NRG3: variants seen among roughly 807,000 people sequenced by gnomAD.
NRG3 encodes the protein neuregulin 3.
In NRG3, 31 loss-of-function variants were observed where a neutral mutation model predicts 66.9. The ratio of observed to expected loss-of-function variants is 0.46; its 90% CI spans 0.35 to 0.63. The LOEUF (loss-of-function observed/expected upper bound fraction) is 0.63. Among genes scored for constraint, NRG3 ranks in the 20% least tolerant of loss-of-function variants. The pLI is 0.00. For synonymous variants in NRG3, 393 were observed against 359.4 expected (o/e 1.09, Z -1.06); for missense variants, 910 against 878.9 (o/e 1.04, Z -0.45).
intron 2 of NRG3, among the ~76,000 whole-genome samples, chr10:82,460,606 A>C (rs2091466861): frequency 6.6e-6 from 1 of 152,208 alleles, no homozygotes; most frequent in Admixed American, 6.5e-5. Context: ...ATCTGGAGAC[A>C]GTGCAGGCTT....
chr10:82,985,318 A>G lies in NRG3; in HGVS notation c.1804A>G (p.Lys602Glu), dbSNP rs1853346898. 1.9e-6 allele frequency: 3 copies of G among 1,614,042 alleles called. No homozygotes were observed. Among genetic ancestry groups the G allele is most frequent in the Non-Finnish European group, 2.5e-6 (3 of 1,179,998 alleles). Residue 602 changes from lysine to glutamate, a missense_variant, in exon 9 of 9, where the codon AAA (lysine) becomes GAA (glutamate). Transcript: ENST00000372141. ...ISEVKSIKWC[K>E]NSYSADVVNV... ...TGAAGTCAAAAGCATCAAATGGTGC[A>G]AAAACTCCTATTCAGCTGACGTTGT...
intron 3 of NRG3, among the ~76,000 whole-genome samples, chr10:82,744,060 G>A (rs1308170936): frequency 6.6e-6 from 1 of 152,184 alleles, no homozygotes; most frequent in South Asian, 2.1e-4. Flanking sequence ...AATTCCATGG[G>A]CATCCAGCTT....
At chr10:82,378,351 T>C (rs765893924) in intron 2 of NRG3, among the ~76,000 whole-genome samples, 9 of 152,194 alleles carry the variant, frequency 5.9e-5, no homozygotes, top group Non-Finnish European at 1.0e-4. Context: ...AGGCAGCTCA[T>C]GGGGCTCTGG....
intron 1 of NRG3, among the ~76,000 whole-genome samples, chr10:81,893,333 A>C (rs1188990784): frequency 6.6e-6 from 1 of 152,196 alleles, no homozygotes; most frequent in African/African-American, 2.4e-5. Context: ...GTGATGATGT[A>C]TATTTACATA....
intron 1 of NRG3, among the ~76,000 whole-genome samples, chr10:82,293,601 TG>T (rs1156317526): frequency 6.6e-6 from 1 of 152,202 alleles, no homozygotes; most frequent in African/African-American, 2.4e-5. Context: ...ACAGCTAATT[TG>T]ATTTATTCTG....
intron 3 of NRG3, among the ~76,000 whole-genome samples, chr10:82,851,665 T>G (rs1314041560): frequency 6.6e-6 from 1 of 152,148 alleles, no homozygotes; most frequent in Non-Finnish European, 1.5e-5. Flanking sequence ...GAAGAAGACA[T>G]ACAGGAGAGA....
At chr10:82,219,679 T>C (rs1295450011) in intron 1 of NRG3, among the ~76,000 whole-genome samples, 1 of 152,174 alleles carries the variant, frequency 6.6e-6, no homozygotes, top group African/African-American at 2.4e-5. Context: ...TAATTCTATT[T>C]CTTTCATTTT....
intron 1 of NRG3, among the ~76,000 whole-genome samples, chr10:82,199,172 G>T (rs1283837020): frequency 9.4e-6 from 1 of 106,578 alleles, no homozygotes; most frequent in East Asian, 2.4e-4. Context: ...ACTCTGTCCG[G>T]AAAAAAAAAA....
chr10:82,098,698 A>T (rs1590104128), intron 1 of NRG3, among the ~76,000 whole-genome samples: 1 of 152,090 alleles, frequency 6.6e-6, no homozygotes, highest in East Asian at 1.9e-4. Context: ...TTGTTGTTAG[A>T]TATGTGATTT....
intron 2 of NRG3, among the ~76,000 whole-genome samples, chr10:82,580,779 G>C (rs1476306985): frequency 2.6e-5 from 4 of 151,676 alleles, no homozygotes; most frequent in Admixed American, 1.3e-4. Context: ...ATGTACCATA[G>C]ATTGTTTATT....
Position 82,863,048 on chromosome 10 carries a change from C to T in NRG3, c.1028-2363C>T, listed in dbSNP as rs571748852. On this transcript the variant is annotated intron_variant, in intron 3 of 8. Coordinates refer to ENST00000372141, the MANE Select transcript of NRG3 (RefSeq NM_001010848.4). Reference sequence around the variant, plus strand: ...CCAACAGGCCCCAGTGTGTGATGTTCGCCTCCCTGTGTTCATGTGTTCTCA... The same window carrying T: ...CCAACAGGCCCCAGTGTGTGATGTTTGCCTCCCTGTGTTCATGTGTTCTCA... 7.3e-4 allele frequency among the ~76,000 whole-genome samples: 111 copies of T among 152,192 alleles called. 1 individual carries two copies. In the South Asian group the frequency reaches 8.5e-3, roughly 12 times the overall value.
intron 1 of NRG3, among the ~76,000 whole-genome samples, chr10:82,240,914 TA>T (rs935650715): frequency 2.8e-4 from 43 of 152,112 alleles, no homozygotes; most frequent in African/African-American, 9.9e-4. Context: ...AGATTTTTTT[TA>T]AAAAACCCTG....
At chr10:82,651,387 T>A (rs1281613092) in intron 2 of NRG3, among the ~76,000 whole-genome samples, 2 of 152,222 alleles carry the variant, frequency 1.3e-5, no homozygotes, top group Non-Finnish European at 2.9e-5. Context: ...TAATGGGGAC[T>A]TCTAACAAAT....
Position 82,033,354 on chromosome 10 carries a change from G to C in NRG3, c.823+157191G>C, listed in dbSNP as rs2062656850. ...ACAGTACATTGTTCCCTCTTTATTG[G>C]ATAACTAGTATTTACCATTAAGATT... On this transcript the variant is annotated intron_variant, in intron 1 of 8. Coordinates refer to ENST00000372141, the MANE Select transcript of NRG3 (RefSeq NM_001010848.4). Among the ~76,000 whole-genome samples, 2 of 151,966 alleles carry C rather than the reference G, an allele frequency of 1.3e-5. 1 individual carries two copies. The highest frequency in any genetic ancestry group is 4.2e-4 in the South Asian group (2 of 4,816).
chr10:82,384,266 T>C (rs1208940754), intron 2 of NRG3, among the ~76,000 whole-genome samples: 1 of 152,064 alleles, frequency 6.6e-6, no homozygotes, highest in East Asian at 1.9e-4. Context: ...TTATTTTAGT[T>C]TTTTTTTATT....
intron 1 of NRG3, among the ~76,000 whole-genome samples, chr10:82,071,226 A>G (rs80191188): frequency 0.033 from 5,031 of 152,266 alleles, 120 homozygotes; most frequent in Non-Finnish European, 0.048. Flanking sequence ...AACAGAGGAA[A>G]ATTCTTGTCA....
intron 1 of NRG3, among the ~76,000 whole-genome samples, chr10:82,322,021 A>G (rs2081605032): frequency 1.3e-5 from 2 of 152,232 alleles, no homozygotes. Flanking sequence ...TCAAAAATAT[A>G]AAGAACTCCA....
chr10:82,608,063 C>G lies in NRG3; in HGVS notation c.954-130514C>G, dbSNP rs146038932. ...CCCTTCTTTTTATAGATCTCAGTTT[C>G]TGACTTATACCATGTAAGTTTCTTG... On this transcript the variant is annotated intron_variant, in intron 2 of 8. Coordinates refer to ENST00000372141, the MANE Select transcript of NRG3 (RefSeq NM_001010848.4). Among the ~76,000 whole-genome samples, 18 of 152,258 alleles carry G rather than the reference C, an allele frequency of 1.2e-4. No homozygotes were observed. In the East Asian group the frequency reaches 3.5e-3, roughly 29 times the overall value.
chr10:82,612,256 C>A (rs770915302), intron 2 of NRG3, among the ~76,000 whole-genome samples: 1 of 152,154 alleles, frequency 6.6e-6, no homozygotes, highest in African/African-American at 2.4e-5. Context: ...TCTGCAGAAG[C>A]AAATTCTTAA....
Sources: gnomAD v4.1 joint callset for allele counts (sites outside exome capture counted in the v4.1 genomes callset) on GRCh38, gnomAD v4.1.1 for gene constraint, MANE v1.5 for transcripts, NCBI Gene and HGNC (gene_info 2026-07-23, HGNC 2026-07-21) for gene names.